CUL3: variants seen among roughly 807,000 people sequenced by gnomAD.
CUL3 encodes the protein cullin-3.
In CUL3, 19 loss-of-function variants were observed where a neutral mutation model predicts 89.1. The ratio of observed to expected loss-of-function variants is 0.21; its 90% CI spans 0.15 to 0.31. The LOEUF is 0.31. Ranked by LOEUF, CUL3 falls within the 10% of genes least tolerant of loss-of-function variation. The pLI, the probability that CUL3 is intolerant of heterozygous loss-of-function variation, is 1.00. For synonymous variants in CUL3, 351 were observed against 308.4 expected (o/e 1.14, Z -1.45); for missense variants, 469 against 942.3 (o/e 0.50, Z 6.58).
chr2:224,489,612 G>A (rs1325936884), intron 13 of CUL3, among the ~76,000 whole-genome samples: 1 of 152,114 alleles, frequency 6.6e-6, no homozygotes, highest in African/African-American at 2.4e-5. Context: ...TATGCTCATG[G>A]ATAGGAAGAA....
At chr2:224,541,354 A>G (rs781734198) in intron 2 of CUL3, among the ~76,000 whole-genome samples, 52 of 152,230 alleles carry the variant, frequency 3.4e-4, no homozygotes, top group Non-Finnish European at 6.8e-4. Context: ...CAACAATGTA[A>G]GTCATTAGGG....
chr2:224,509,903 G>C (rs1332426532), intron 6 of CUL3, among the ~76,000 whole-genome samples: 1 of 152,210 alleles, frequency 6.6e-6, no homozygotes, highest in Non-Finnish European at 1.5e-5. Context: ...ATTAGAACCC[G>C]TGGGGCAAAT....
At chr2:224,500,557 T>A in intron 10 of CUL3, 70 bp from the exon 11 acceptor site, 1 of 1,461,944 alleles carries the variant, frequency 6.8e-7, no homozygotes, top group Non-Finnish European at 9.4e-7. Flanking sequence ...GTTTAGACAT[T>A]GTGTTAGATT....
intron 2 of CUL3, among the ~76,000 whole-genome samples, chr2:224,545,206 G>A (rs1235732275): frequency 1.3e-5 from 2 of 152,044 alleles, no homozygotes; most frequent in Admixed American, 6.5e-5. Flanking sequence ...ATTAACTAAT[G>A]ATGAGATTCC....
intron 1 of CUL3, among the ~76,000 whole-genome samples, chr2:224,573,581 T>C (rs912652933): frequency 6.6e-6 from 1 of 152,180 alleles, no homozygotes; most frequent in Non-Finnish European, 1.5e-5. Flanking sequence ...AACCTGAAGG[T>C]AGATTCTTTT....
chr2:224,536,650 A>G (rs1167276605), intron 2 of CUL3, among the ~76,000 whole-genome samples: 2 of 152,178 alleles, frequency 1.3e-5, no homozygotes, highest in Non-Finnish European at 2.9e-5. Context: ...CTGCTTTTGC[A>G]CATAAAGTTC....
chr2:224,478,373 T>C (rs2106143780), intron 14 of CUL3, 28 bp from the exon 15 acceptor site: 1 of 1,585,546 alleles, frequency 6.3e-7, no homozygotes, highest in Non-Finnish European at 8.6e-7. Flanking sequence ...ACATTTATCA[T>C]AAATCTAATT....
In CUL3 at chr2:224,496,040, C is replaced by T. The variant is rs577925501; in HGVS notation, c.1708-74G>A. The T allele has an allele frequency of 1.6e-5, 24 of 1,497,740 alleles. No individual in the cohort carries two copies. In the East Asian group the frequency reaches 3.2e-4, roughly 20 times the overall value. The allele number at this position is 1,497,740 out of a possible 1,614,324, so 92.8% of individuals were successfully genotyped here. On this transcript the variant is annotated intron_variant, in intron 12 of 15. Coordinates refer to ENST00000264414, the MANE Select transcript of CUL3 (RefSeq NM_003590.5). The stretch of plus-strand genomic sequence containing the variant: ...TAACATTAATGTATGTATGTACGTA[C>T]ATATGTATGTTACAGGGTCTCACTT...
intron 6 of CUL3, among the ~76,000 whole-genome samples, chr2:224,508,120 T>C (rs1395786776): frequency 1.3e-5 from 2 of 152,086 alleles, no homozygotes; most frequent in Admixed American, 1.3e-4. Flanking sequence ...TTTTTTTTTT[T>C]TTTTTAACAA....
rs549579599 is a variant in CUL3, at chr2:224,522,086, A to G, written c.379-7314T>C. ...ATTTAAAATTAAAAAAAAAAAAAAAAGAGGCAAATAACTCTATGACAAGTC... is the reference window on the plus strand; with the variant it reads ...ATTTAAAATTAAAAAAAAAAAAAAAGGAGGCAAATAACTCTATGACAAGTC... On this transcript the variant is annotated intron_variant, in intron 3 of 15. Coordinates refer to ENST00000264414, the MANE Select transcript of CUL3 (RefSeq NM_003590.5). Among the ~76,000 whole-genome samples, 275 of 150,656 alleles carry G rather than the reference A, an allele frequency of 1.8e-3. 3 individuals carry two copies. Among genetic ancestry groups the G allele is most frequent in the African/African-American group, 6.4e-3 (265 of 41,094 alleles).
chr2:224,505,841 T>G, intron 8 of CUL3, 115 bp downstream of exon 8: 1 of 625,654 alleles, frequency 1.6e-6, no homozygotes, highest in Non-Finnish European at 2.5e-6. Context: ...TGGCACCCAT[T>G]TAAGCACAGC....
At chr2:224,571,050 C>A (rs1695169850) in intron 1 of CUL3, among the ~76,000 whole-genome samples, 2 of 152,096 alleles carry the variant, frequency 1.3e-5, no homozygotes, top group East Asian at 3.9e-4. Flanking sequence ...GTGATAATGA[C>A]CACAACAAAT....
intron 1 of CUL3, among the ~76,000 whole-genome samples, chr2:224,582,624 G>A (rs1331339983): frequency 6.6e-6 from 1 of 152,174 alleles, no homozygotes; most frequent in Non-Finnish European, 1.5e-5. Flanking sequence ...GTTATAGACA[G>A]AATGGATCCA....
intron 15 of CUL3, among the ~76,000 whole-genome samples, chr2:224,477,652 T>C (rs1258814544): frequency 6.6e-6 from 1 of 152,172 alleles, no homozygotes; most frequent in South Asian, 2.1e-4. Flanking sequence ...AACCTCTATC[T>C]ACTCATTCAA....
At chr2:224,505,316 T>C (rs1269534666) in intron 8 of CUL3, among the ~76,000 whole-genome samples, 2 of 152,220 alleles carry the variant, frequency 1.3e-5, no homozygotes, top group South Asian at 2.1e-4. Flanking sequence ...TTTGTATTTT[T>C]AGTAGAGATG....
At chr2:224,522,582 T>C (rs1693306346) in intron 3 of CUL3, among the ~76,000 whole-genome samples, 1 of 152,056 alleles carries the variant, frequency 6.6e-6, no homozygotes, top group Admixed American at 6.5e-5. Flanking sequence ...TTAAAATCTT[T>C]CTTGGGAGGC....
chr2:224,540,059 CTTTT>C (rs34875800), intron 2 of CUL3, among the ~76,000 whole-genome samples: 17 of 140,012 alleles, frequency 1.2e-4, no homozygotes, highest in Admixed American at 1.4e-4. Context: ...CATCCTCCAC[CTTTT>C]TTTTTTTTTT....
Position 224,585,079 on chromosome 2 carries a change from G to T in CUL3, c.-70C>A. ...GACGCCGGTGTCACATTTAAGGCGG[G>T]CAGGCAGGCTAGGGGCGACGCTGGG... is the stretch of plus-strand genomic sequence containing the variant. On this transcript the variant is annotated 5_prime_UTR_variant, in exon 1 of 16. Coordinates refer to ENST00000264414, the MANE Select transcript of CUL3 (RefSeq NM_003590.5). 7.5e-7 allele frequency: 1 copy of T among 1,328,874 alleles called. No homozygotes were observed. Among genetic ancestry groups the T allele is most frequent in the Non-Finnish European group, 1.0e-6 (1 of 992,830 alleles). The allele number at this position is 1,328,874 out of a possible 1,614,324, so 82.3% of individuals were successfully genotyped here. A position where few individuals can be genotyped will look rare whatever the true frequency, so the allele number is the denominator to read the frequency against.
intron 2 of CUL3, among the ~76,000 whole-genome samples, chr2:224,553,914 G>C (rs1559215632): frequency 6.6e-6 from 1 of 152,092 alleles, no homozygotes; most frequent in Non-Finnish European, 1.5e-5. Flanking sequence ...CTTAAATATG[G>C]GACCACTTTA....
Sources: gnomAD v4.1 joint callset for allele counts (sites outside exome capture counted in the v4.1 genomes callset) on GRCh38, gnomAD v4.1.1 for gene constraint, MANE v1.5 for transcripts, NCBI Gene and HGNC (gene_info 2026-07-23, HGNC 2026-07-21) for gene names.